The following PCDH7 variants were observed in gnomAD, a reference collection of about 807,000 sequenced individuals.
PCDH7 encodes the protein protocadherin 7.
A neutral mutation model predicts 58.9 loss-of-function variants in PCDH7; 17 were observed. The ratio of observed to expected loss-of-function variants is 0.29; its 90% CI spans 0.20 to 0.43. The LOEUF (loss-of-function observed/expected upper bound fraction) is 0.43, where lower values mean the gene tolerates loss of function less well. Ranked by LOEUF, PCDH7 falls within the 20% of genes least tolerant of loss-of-function variation. The probability of loss-of-function intolerance (pLI) is 1.00; values close to 1 mark genes in which losing one functional copy is unlikely to be tolerated. For missense variants in PCDH7, 1,274 were observed against 1,441.0 expected, an observed-to-expected ratio of 0.88 and a Z score of 1.88; for synonymous variants, 664 against 616.4, an observed-to-expected ratio of 1.08 and a Z score of -1.14.
intron 2 of PCDH7, among the ~76,000 whole-genome samples, chr4:30,926,342 A>G (rs532941377): frequency 1.1e-4 from 16 of 151,746 alleles, no homozygotes; most frequent in South Asian, 6.2e-4. Context: ...CCGCCACCAC[A>G]CTCGGCTAAT....
intron 3 of PCDH7, among the ~76,000 whole-genome samples, chr4:31,057,124 A>G (rs1020955090): frequency 6.6e-6 from 1 of 152,180 alleles, no homozygotes; most frequent in African/African-American, 2.4e-5. Context: ...TAAACCTGTG[A>G]GATCTTTTTT....
At chr4:31,096,139 C>T (rs1028678038) in intron 3 of PCDH7, among the ~76,000 whole-genome samples, 1 of 152,024 alleles carries the variant, frequency 6.6e-6, no homozygotes, top group African/African-American at 2.4e-5. Context: ...CAAAAGATGC[C>T]CCCTAGGCCC....
intron 3 of PCDH7, among the ~76,000 whole-genome samples, chr4:30,961,564 C>CA (rs1395124295): frequency 6.7e-6 from 1 of 149,216 alleles, no homozygotes. Context: ...AAACAAAAAA[C>CA]AAAAAACAAA....
At position 30,760,432 on chromosome 4, in the gene PCDH7, A is replaced by G. The variant is rs559337456; in HGVS notation, c.70+35836A>G. On this transcript the variant is annotated intron_variant, in intron 1 of 3. Transcript: ENST00000509759. The stretch of plus-strand genomic sequence containing the variant: ...CTTTGTTTACTGATGACATGATCCT[A>G]TATCTAGAAAACCCCATGATTTCAG... Among the ~76,000 whole-genome samples the G allele has an allele frequency of 4.6e-5, 7 of 152,286 alleles. No individual in the cohort carries two copies. The South Asian group carries it at 1.0e-3, about 23-fold the overall frequency.
chr4:31,059,733 C>T (rs1757535775), intron 3 of PCDH7, among the ~76,000 whole-genome samples: 1 of 151,616 alleles, frequency 6.6e-6, no homozygotes, highest in Non-Finnish European at 1.5e-5. Context: ...TCTAATAACC[C>T]AAATAAATTA....
intron 1 of PCDH7, among the ~76,000 whole-genome samples, chr4:30,770,895 T>G (rs550364606): frequency 6.6e-6 from 1 of 152,284 alleles, no homozygotes; most frequent in Admixed American, 6.5e-5. Flanking sequence ...GAAAGAAATT[T>G]TGCAAAATAT....
At chr4:31,000,047 C>T (rs1752231533) in intron 3 of PCDH7, among the ~76,000 whole-genome samples, 1 of 152,016 alleles carries the variant, frequency 6.6e-6, no homozygotes, top group Non-Finnish European at 1.5e-5. Context: ...AATTCTATTG[C>T]ATATATGCTC....
intron 1 of PCDH7, among the ~76,000 whole-genome samples, chr4:30,914,878 A>G (rs1003651845): frequency 6.6e-6 from 1 of 152,184 alleles, no homozygotes; most frequent in Non-Finnish European, 1.5e-5. Flanking sequence ...TAGGTCACGT[A>G]AGGTTTCTTG....
chr4:30,775,360 A>G (rs990631417), intron 1 of PCDH7, among the ~76,000 whole-genome samples: 1 of 152,146 alleles, frequency 6.6e-6, no homozygotes, highest in Non-Finnish European at 1.5e-5. Context: ...TATGATAAAT[A>G]TTGTATATCT....
chr4:30,940,733 C>G (rs1745932506), intron 2 of PCDH7, among the ~76,000 whole-genome samples: 1 of 151,986 alleles, frequency 6.6e-6, no homozygotes, highest in East Asian at 1.9e-4. Context: ...TAATAGCAGG[C>G]TCTTATGCTG....
chr4:30,733,268 G>T (rs1187717296), downstream of PCDH7, among the ~76,000 whole-genome samples: 25 of 152,134 alleles, frequency 1.6e-4, no homozygotes, highest in Non-Finnish European at 2.9e-5. Flanking sequence ...AATCTGAGAA[G>T]GAATATGAGA....
intron 3 of PCDH7, among the ~76,000 whole-genome samples, chr4:30,960,866 T>C (rs1335395511): frequency 6.6e-6 from 1 of 152,116 alleles, no homozygotes; most frequent in Non-Finnish European, 1.5e-5. Context: ...GTTGAGGAAA[T>C]GTGAAATAAA....
Position 30,722,265 on chromosome 4 carries a change from C to A in PCDH7, c.843C>A (p.Arg281=), listed in dbSNP as rs1228446655. The A allele has an allele frequency of 6.3e-7, 1 of 1,594,064 alleles. No homozygotes were observed. The highest frequency in any genetic ancestry group is 1.1e-5 in the South Asian group (1 of 88,826). The stretch of plus-strand genomic sequence containing the variant: ...CCTACGAGCTGACCCTGCGAGTGCG[C>A]GACGGCGGCGACCCGCCTCGCTCCT... The change falls in exon 1 of 2, where the codon CGC becomes CGA. Residue 281 remains arginine, a synonymous_variant. Transcript: ENST00000361762. This position sits in a 1 kb window ranked among gnomAD's most constrained non-coding sequence, Gnocchi z 7.6.
intron 1 of PCDH7, among the ~76,000 whole-genome samples, chr4:30,904,502 C>T (rs1385354166): frequency 6.6e-6 from 1 of 152,128 alleles, no homozygotes; most frequent in Non-Finnish European, 1.5e-5. Flanking sequence ...ATTTTAAAGT[C>T]AGTTGATTAA....
intron 3 of PCDH7, among the ~76,000 whole-genome samples, chr4:31,049,235 T>C (rs1756550379): frequency 1.3e-5 from 2 of 151,762 alleles, no homozygotes; most frequent in South Asian, 4.2e-4. Context: ...CACCTACGAG[T>C]GAGAACATGC....
rs144038230 is a variant in PCDH7 at position 30,723,009 on chromosome 4, C to T, written c.1587C>T (p.Asn529=). Residue 529 remains asparagine (N), a synonymous_variant, in exon 1 of 2, where the codon AAC becomes AAT. Coordinates refer to ENST00000361762, the Ensembl canonical transcript of PCDH7. The surrounding 1 kb of genome is among the most constrained non-coding windows in gnomAD (Gnocchi z 4.6). ...TGATTGTCAAGGTGGGAGACACCAA[C>T]GACAACCCGCCCATGTTCGGCCAGT... 348 of 1,613,868 alleles carry T rather than the reference C, an allele frequency of 2.2e-4. 4 individuals are homozygous for T. The East Asian group carries it at 5.4e-3, about 25-fold the overall frequency.
At chr4:30,938,579 G>C (rs1745643386) in intron 2 of PCDH7, among the ~76,000 whole-genome samples, 1 of 151,830 alleles carries the variant, frequency 6.6e-6, no homozygotes, top group African/African-American at 2.4e-5. Context: ...AATATTTTGA[G>C]TAATAAATTA....
chr4:31,078,279 T>TTC (rs900182032), intron 3 of PCDH7, among the ~76,000 whole-genome samples: 251 of 150,790 alleles, frequency 1.7e-3, no homozygotes, highest in African/African-American at 5.6e-3. Context: ...ATAAAACCAA[T>TTC]TCTCTCTCTC....
exon 2 of PCDH7, chr4:30,731,161 T>G: frequency 2.0e-6 from 2 of 1,003,322 alleles, no homozygotes; most frequent in Non-Finnish European, 2.4e-6. Flanking sequence ...GCCTCTTATG[T>G]CTTTGTCTTT....
Sources: allele counts gnomAD v4.1 joint callset (sites outside exome capture counted in the v4.1 genomes callset), GRCh38; gene constraint gnomAD v4.1.1; non-coding constraint Gnocchi (gnomAD v3.1); transcripts MANE v1.5; gene names NCBI Gene and HGNC (gene_info 2026-07-23, HGNC 2026-07-21).